The following CDKAL1 variants were observed in gnomAD, a reference collection of about 807,000 sequenced individuals.
CDKAL1 encodes the protein threonylcarbamoyladenosine tRNA methylthiotransferase.
A neutral mutation model predicts 68.2 loss-of-function variants in CDKAL1; 32 were observed. That is an observed-to-expected ratio of 0.47 (90% CI 0.35 to 0.63). The LOEUF is 0.63. CDKAL1 is among the 30% of genes least tolerant of loss of function. The pLI, the probability that CDKAL1 is intolerant of heterozygous loss-of-function variation, is 0.00. For missense variants in CDKAL1, 606 were observed against 696.7 expected (o/e 0.87, Z 1.47); for synonymous variants, 234 against 244.3 (o/e 0.96, Z 0.39).
chr6:21,016,475 T>C (rs1357402484), intron 11 of CDKAL1, among the ~76,000 whole-genome samples: 2 of 152,182 alleles, frequency 1.3e-5, no homozygotes, highest in African/African-American at 4.8e-5. Flanking sequence ...TTATTGTATC[T>C]GCTCTTGTTA....
chr6:21,184,657 A>T (rs184470793), intron 13 of CDKAL1, among the ~76,000 whole-genome samples: 42 of 151,214 alleles, frequency 2.8e-4, no homozygotes, highest in African/African-American at 6.8e-4. Context: ...TTAATTAATT[A>T]ATTTATTTAT....
At chr6:20,734,470 T>C (rs1773096349) in intron 5 of CDKAL1, among the ~76,000 whole-genome samples, 1 of 152,222 alleles carries the variant, frequency 6.6e-6, no homozygotes, top group Non-Finnish European at 1.5e-5. Context: ...TAAAAATATG[T>C]CTGTGCTGGG....
At chr6:20,573,290 A>C (rs1764778585) in intron 4 of CDKAL1, among the ~76,000 whole-genome samples, 1 of 152,176 alleles carries the variant, frequency 6.6e-6, no homozygotes, top group Non-Finnish European at 1.5e-5. Context: ...TATAGTGACC[A>C]TAATGAGAAT....
chr6:20,835,061 C>A (rs188380862), intron 8 of CDKAL1, among the ~76,000 whole-genome samples: 32 of 152,054 alleles, frequency 2.1e-4, no homozygotes, highest in African/African-American at 7.5e-4. Context: ...TATTGAAAAC[C>A]AATTTATCCT....
intron 9 of CDKAL1, among the ~76,000 whole-genome samples, chr6:20,869,181 A>C (rs1760062665): frequency 1.3e-5 from 2 of 152,326 alleles, no homozygotes; most frequent in South Asian, 4.1e-4. Flanking sequence ...TGTAATTCAC[A>C]ATCTCGGCCA....
intron 9 of CDKAL1, among the ~76,000 whole-genome samples, chr6:20,875,471 C>T (rs1307221179): frequency 2.0e-5 from 3 of 151,978 alleles, no homozygotes; most frequent in Non-Finnish European, 4.4e-5. Flanking sequence ...ATAGTGCTTC[C>T]CACTCTTATA....
At chr6:20,677,489 C>T (rs1770171608) in intron 5 of CDKAL1, among the ~76,000 whole-genome samples, 1 of 150,628 alleles carries the variant, frequency 6.6e-6, no homozygotes, top group Admixed American at 6.6e-5. Flanking sequence ...CACGATCTTG[C>T]CTCATTGCTG....
At position 20,694,062 on chromosome 6, in the gene CDKAL1, ATGTGTGTGTGTG is replaced by A. The variant is rs55981799; in HGVS notation, c.371+44705_371+44716del. 6.2e-5 allele frequency among the ~76,000 whole-genome samples: 8 copies of A among 128,962 alleles called. No individual in the cohort carries two copies. The South Asian group carries it at 2.0e-3, about 32-fold the overall frequency. The allele number at this position is 128,962 out of a possible 152,430, so 84.6% of individuals were successfully genotyped here. ...TAACTTTGTGTGTGTGTGTGTGTGT[ATGTGTGTGTGTG>A]TGTGTGTGTGTGTGTGTGTATGTAG... On this transcript the variant is annotated intron_variant, in intron 5 of 15. Coordinates refer to ENST00000274695, the MANE Select transcript of CDKAL1 (RefSeq NM_017774.3).
chr6:20,601,524 A>AT (rs1561956901), intron 4 of CDKAL1, among the ~76,000 whole-genome samples: 2 of 152,020 alleles, frequency 1.3e-5, no homozygotes, highest in African/African-American at 2.4e-5. Context: ...ATTGACTTAC[A>AT]TTTTTTCTTG....
intron 9 of CDKAL1, among the ~76,000 whole-genome samples, chr6:20,932,755 A>T (rs1360430909): frequency 6.6e-6 from 1 of 152,152 alleles, no homozygotes; most frequent in East Asian, 1.9e-4. Flanking sequence ...CCTAAAGAAA[A>T]ATGAGGGAGA....
chr6:20,882,212 G>T (rs189302883), intron 9 of CDKAL1, among the ~76,000 whole-genome samples: 1 of 152,290 alleles, frequency 6.6e-6, no homozygotes, highest in East Asian at 1.9e-4. Context: ...GGGGGAAGGG[G>T]CATTCCTGTC....
At chr6:20,851,019 CG>C (rs932561192) in intron 9 of CDKAL1, among the ~76,000 whole-genome samples, 108 of 66,664 alleles carry the variant, frequency 1.6e-3, no homozygotes, top group Non-Finnish European at 3.1e-3. Flanking sequence ...GGTTTTCTGG[CG>C]TTTTTTTTTT....
At chr6:20,911,160 T>C (rs533060094) in intron 9 of CDKAL1, among the ~76,000 whole-genome samples, 1 of 152,228 alleles carries the variant, frequency 6.6e-6, no homozygotes, top group Admixed American at 6.5e-5. Flanking sequence ...TAATTTGATA[T>C]TTATGATAAC....
At chr6:21,037,445 A>C (rs147079774) in intron 11 of CDKAL1, among the ~76,000 whole-genome samples, 2 of 152,312 alleles carry the variant, frequency 1.3e-5, no homozygotes, top group East Asian at 3.9e-4. Flanking sequence ...AAAATGAAGA[A>C]AGTACAATTC....
chr6:20,783,362 C>A (rs1775516589), intron 8 of CDKAL1, among the ~76,000 whole-genome samples: 2 of 152,164 alleles, frequency 1.3e-5, no homozygotes, highest in Non-Finnish European at 2.9e-5. Flanking sequence ...GGTAACTTTC[C>A]AGGTACGTAT....
chr6:20,557,361 G>T (rs146760256), intron 4 of CDKAL1, among the ~76,000 whole-genome samples: 31 of 152,128 alleles, frequency 2.0e-4, no homozygotes, highest in African/African-American at 6.7e-4. Flanking sequence ...GTAATGCAAG[G>T]TGTGACCATC....
At chr6:20,793,237 A>C (rs1264021480) in intron 8 of CDKAL1, among the ~76,000 whole-genome samples, 1 of 152,136 alleles carries the variant, frequency 6.6e-6, no homozygotes, top group African/African-American at 2.4e-5. Flanking sequence ...TGTCTACTTC[A>C]ACTTTCTCAT....
chr6:21,064,314 G>T (rs1307923206), intron 11 of CDKAL1, among the ~76,000 whole-genome samples: 1 of 151,994 alleles, frequency 6.6e-6, no homozygotes, highest in Non-Finnish European at 1.5e-5. Flanking sequence ...AAAGATTATT[G>T]AAAAAAGGAT....
At position 21,044,324 on chromosome 6, in the gene CDKAL1, T is replaced by G. The variant is rs574211828; in HGVS notation, c.1056-20724T>G. 3.3e-5 allele frequency among the ~76,000 whole-genome samples: 5 copies of G among 152,316 alleles called. No homozygotes were observed. In the South Asian group the frequency reaches 1.0e-3, roughly 32 times the overall value. On this transcript the variant is annotated intron_variant, in intron 11 of 15. Coordinates refer to ENST00000274695, the MANE Select transcript of CDKAL1 (RefSeq NM_017774.3). Reference sequence around the variant, plus strand: ...CCCTCTATTACACTCTGATTCTGCTTTCTTGCCTCTTACTTGTAAGTATTC... The same window carrying G: ...CCCTCTATTACACTCTGATTCTGCTGTCTTGCCTCTTACTTGTAAGTATTC...
Sources: gnomAD v4.1 joint callset for allele counts (sites outside exome capture counted in the v4.1 genomes callset) on GRCh38, gnomAD v4.1.1 for gene constraint, MANE v1.5 for transcripts, NCBI Gene and HGNC (gene_info 2026-07-23, HGNC 2026-07-21) for gene names.